Variants in SPSB4 observed in about 807,000 individuals in gnomAD.
SPSB4 encodes SPRY domain-containing SOCS box protein 4.
Under a neutral mutation model 20.9 loss-of-function variants are expected in SPSB4, and 21 were observed. The ratio of observed to expected loss-of-function variants is 1.01; its 90% CI spans 0.71 to 1.45. SPSB4 has a LOEUF of 1.45. SPSB4 is among the 40% of genes most tolerant of loss of function. The pLI is 0.00. For synonymous variants in SPSB4, 207 were observed against 183.8 expected, an observed-to-expected ratio of 1.13 and a Z score of -1.02; for missense variants, 399 against 399.2, an observed-to-expected ratio of 1.00 and a Z score of 0.00.
intron 2 of SPSB4, among the ~76,000 whole-genome samples, chr3:141,079,264 CAA>C (rs112482116): frequency 1.9e-4 from 23 of 122,042 alleles, no homozygotes; most frequent in Admixed American, 2.6e-4. Context: ...GACTCCATCT[CAA>C]AAAAAAAAAA....
intron 2 of SPSB4, among the ~76,000 whole-genome samples, chr3:141,122,647 T>A (rs1457356554): frequency 6.6e-6 from 1 of 152,230 alleles, no homozygotes; most frequent in East Asian, 1.9e-4. Flanking sequence ...GCTTCAGCAA[T>A]GGCGGACAAC....
chr3:141,089,182 G>T (rs545283628), intron 2 of SPSB4, among the ~76,000 whole-genome samples: 2 of 152,348 alleles, frequency 1.3e-5, no homozygotes, highest in South Asian at 4.1e-4. Flanking sequence ...CCTTAAGGAA[G>T]GGGTGTGTGT....
intron 2 of SPSB4, among the ~76,000 whole-genome samples, chr3:141,091,795 G>C (rs940690909): frequency 1.3e-5 from 2 of 152,248 alleles, no homozygotes; most frequent in African/African-American, 4.8e-5. Context: ...GGTGGTACCA[G>C]GGGCCCGGGT....
intron 1 of SPSB4, among the ~76,000 whole-genome samples, chr3:141,055,203 T>C (rs541947649): frequency 1.3e-5 from 2 of 151,956 alleles, no homozygotes; most frequent in East Asian, 3.9e-4. Context: ...GAGGGTGCAG[T>C]GGGACGTAGG....
chr3:141,125,615 GT>G (rs563969898), intron 2 of SPSB4, among the ~76,000 whole-genome samples: 18 of 152,344 alleles, frequency 1.2e-4, no homozygotes, highest in African/African-American at 4.1e-4. Context: ...GAAATAAGCA[GT>G]GAATGGATTT....
At chr3:141,098,091 C>A (rs752715876) in intron 2 of SPSB4, among the ~76,000 whole-genome samples, 5 of 152,212 alleles carry the variant, frequency 3.3e-5, no homozygotes, top group Admixed American at 6.5e-5. Context: ...TACTAACCAG[C>A]AACTATTTGC....
At chr3:141,134,056 CTTTTTTT>C (rs1222303281) in intron 2 of SPSB4, among the ~76,000 whole-genome samples, 1 of 61,632 alleles carries the variant, frequency 1.6e-5, no homozygotes, top group Non-Finnish European at 2.9e-5. Context: ...TTTCTTTTTT[CTTTTTTT>C]TTTTTTTTTT....
chr3:141,068,640 C>A (rs1328689764), intron 2 of SPSB4, among the ~76,000 whole-genome samples: 2 of 152,170 alleles, frequency 1.3e-5, no homozygotes, highest in East Asian at 1.9e-4. Context: ...AGTATCAGGT[C>A]CCCTTTTTGC....
chr3:141,059,987 C>G (rs971963201), intron 1 of SPSB4, among the ~76,000 whole-genome samples: 1 of 152,200 alleles, frequency 6.6e-6, no homozygotes, highest in African/African-American at 2.4e-5. Flanking sequence ...ATTAGATTGC[C>G]CAGCTGCTAG....
In SPSB4 at chr3:141,089,259, C is replaced by T. The variant is rs528957105; in HGVS notation, c.694+22461C>T. ...CTGGCTGACCTTTCCCCATCTGCAC[C>T]GGGAGGCCAGACCAGGATGGGGATT... is the stretch of plus-strand genomic sequence containing the variant. On this transcript the variant is annotated intron_variant, in intron 2 of 2. Coordinates refer to ENST00000310546, the MANE Select transcript of SPSB4 (RefSeq NM_080862.3). Among the ~76,000 whole-genome samples the T allele has an allele frequency of 1.5e-3, 230 of 152,266 alleles. 1 individual carries two copies. The highest frequency in any genetic ancestry group is 4.9e-3 in the Admixed American group (75 of 15,296).
chr3:141,072,395 G>C (rs1358793889), intron 2 of SPSB4, among the ~76,000 whole-genome samples: 3 of 152,190 alleles, frequency 2.0e-5, no homozygotes, highest in Non-Finnish European at 4.4e-5. Flanking sequence ...TGGAGGTGGG[G>C]GTTGGTGGGA....
Position 141,051,371 on chromosome 3 carries a change from C to A in SPSB4, c.-775C>A, listed in dbSNP as rs1443139931. 1.3e-5 allele frequency: 2 copies of A among 154,734 alleles called. No homozygotes were observed. The highest frequency in any genetic ancestry group is 4.8e-5 in the African/African-American group (2 of 41,320). 9.6% of individuals were successfully genotyped at this position (154,734 alleles called of 1,614,324 possible). On this transcript the variant is annotated 5_prime_UTR_variant, in exon 1 of 3. Coordinates refer to ENST00000310546, the MANE Select transcript of SPSB4 (RefSeq NM_080862.3). ...CAGATCGGCTTTCAGCTGCAGCCTCCGGGCCGGCCGGGAAGGCGGGGAGCG... is the reference window on the plus strand; with the variant it reads ...CAGATCGGCTTTCAGCTGCAGCCTCAGGGCCGGCCGGGAAGGCGGGGAGCG...
intron 2 of SPSB4, among the ~76,000 whole-genome samples, chr3:141,075,002 G>T (rs974538861): frequency 9.9e-5 from 15 of 152,232 alleles, no homozygotes; most frequent in Non-Finnish European, 1.9e-4. Flanking sequence ...CTGGACCAGA[G>T]AGCTGGGAGG....
chr3:141,071,083 A>G (rs1937993518), intron 2 of SPSB4, among the ~76,000 whole-genome samples: 1 of 152,196 alleles, frequency 6.6e-6, no homozygotes, highest in African/African-American at 2.4e-5. Context: ...CTGAAATGCT[A>G]AGTTGTATAA....
intron 2 of SPSB4, among the ~76,000 whole-genome samples, chr3:141,082,617 T>TACTA (rs1938255750): frequency 7.5e-6 from 1 of 133,224 alleles, no homozygotes; most frequent in East Asian, 2.2e-4. Flanking sequence ...CCAACCCAGG[T>TACTA]GCTATCTATC....
chr3:141,084,070 C>T (rs896438085), intron 2 of SPSB4, among the ~76,000 whole-genome samples: 12 of 152,168 alleles, frequency 7.9e-5, no homozygotes, highest in African/African-American at 2.7e-4. Context: ...TGGATGAGGC[C>T]GCAGTGTGGG....
intron 2 of SPSB4, among the ~76,000 whole-genome samples, chr3:141,113,732 G>A (rs1027320888): frequency 2.0e-5 from 3 of 152,226 alleles, no homozygotes; most frequent in Non-Finnish European, 2.9e-5. Context: ...AAATGGTTTG[G>A]AACTTGACAG....
intron 2 of SPSB4, among the ~76,000 whole-genome samples, chr3:141,120,799 G>T (rs1291179874): frequency 1.3e-5 from 2 of 152,020 alleles, no homozygotes; most frequent in African/African-American, 4.8e-5. Flanking sequence ...TTGAGCCTAT[G>T]TGTGTCTCTG....
rs1331000081 is a variant in SPSB4, at chr3:141,140,233, G to A, written c.695-6909G>A. ...CATTGGTTATTCTAGTTATCCATTC[G>A]TCTAATTTTTTTTCAAAGTTTTTAA... On this transcript the variant is annotated intron_variant, in intron 2 of 2. Coordinates refer to ENST00000310546, the MANE Select transcript of SPSB4 (RefSeq NM_080862.3). 9.2e-5 allele frequency among the ~76,000 whole-genome samples: 14 copies of A among 152,076 alleles called. No homozygotes were observed. The East Asian group carries it at 9.7e-4, about 11-fold the overall frequency.
Sources: allele counts gnomAD v4.1 joint callset (sites outside exome capture counted in the v4.1 genomes callset), GRCh38; gene constraint gnomAD v4.1.1; transcripts MANE v1.5; gene names NCBI Gene and HGNC (gene_info 2026-07-23, HGNC 2026-07-21).